DNAJC10: variants seen among roughly 807,000 people sequenced by gnomAD.
DNAJC10 encodes the protein endoplasmic reticulum disulfide reductase DNAJC10.
DNAJC10 carries 101 observed loss-of-function variants against 115.0 expected under a neutral mutation model. The observed-to-expected ratio is 0.88, with a 90% CI of 0.75 to 1.04. The LOEUF (loss-of-function observed/expected upper bound fraction) is 1.04, where lower values mean the gene tolerates loss of function less well. Ranked by LOEUF, DNAJC10 falls within the 50% of genes least tolerant of loss-of-function variation. The pLI is 0.00. For synonymous variants in DNAJC10, 307 were observed against 301.5 expected, an observed-to-expected ratio of 1.02 and a Z score of -0.19; for missense variants, 981 against 928.8, an observed-to-expected ratio of 1.06 and a Z score of -0.73.
chr2:182,741,262 G>C lies in DNAJC10; in HGVS notation c.1097G>C (p.Arg366Pro). The C allele has an allele frequency of 6.2e-7, 1 of 1,600,340 alleles. No homozygotes were observed. The highest frequency in any genetic ancestry group is 8.5e-7 in the Non-Finnish European group (1 of 1,174,640). The change falls in exon 13 of 24, where the codon CGG becomes CCG. Residue 366 changes from arginine to proline, a missense_variant. Physicochemically the swap from Arg to Pro is moderately radical, Grantham distance 103. Transcript: ENST00000264065. ...TTTAAGGATCGTTTGGCTCATCATCGGTGGCTGTTATTTTTTCATTTTGGA... is the reference window on the plus strand; with the variant it reads ...TTTAAGGATCGTTTGGCTCATCATCCGTGGCTGTTATTTTTTCATTTTGGA... ...NTLEDRLAHH[R>P]WLLFFHFGKN... is the part of the protein sequence containing the mutation.
rs1694806789 is a variant in DNAJC10 at position 182,779,962 on chromosome 2, T to TTAAAG, written c.*2833_*2837dup. On this transcript the variant is annotated 3_prime_UTR_variant, in exon 24 of 24. Transcript: ENST00000264065. ...CTGCCAACAAAACCAGATAGATGTC[T>TTAAAG]TAAAGTAGGCACATTTATTCCATTG... 1 of 152,158 alleles carries TTAAAG rather than the reference T, an allele frequency of 6.6e-6. No homozygotes were observed. The highest frequency in any genetic ancestry group is 1.5e-5 in the Non-Finnish European group (1 of 68,020). 9.4% of individuals were successfully genotyped at this position (152,158 alleles called of 1,614,324 possible).
intron 8 of DNAJC10, among the ~76,000 whole-genome samples, chr2:182,730,282 T>C (rs749360882): frequency 3.3e-5 from 5 of 152,202 alleles, no homozygotes; most frequent in Non-Finnish European, 7.4e-5. Flanking sequence ...ACCTATTCTG[T>C]TTAATTTTAA....
rs896463700 is a variant in DNAJC10, at chr2:182,784,273, G to C, written c.*7141G>C. ...CCGGAGGCAAAGGTTGCAGTGAGCA[G>C]AGATCACACCACTGCCCTCCAGCCT... On this transcript the variant is annotated 3_prime_UTR_variant, in exon 24 of 24. Transcript: ENST00000264065. The C allele has an allele frequency of 2.0e-5, 3 of 152,042 alleles. No homozygotes were observed. Among genetic ancestry groups the C allele is most frequent in the Non-Finnish European group, 1.5e-5 (1 of 68,032 alleles). The allele number at this position is 152,042 out of a possible 1,614,324, so 9.4% of individuals were successfully genotyped here. A position where few individuals can be genotyped will look rare whatever the true frequency, so the allele number is the denominator to read the frequency against.
At chr2:182,716,742 G>GCCCT (rs560387912) in intron 1 of DNAJC10, among the ~76,000 whole-genome samples, 117 of 152,256 alleles carry the variant, frequency 7.7e-4, no homozygotes, top group African/African-American at 2.7e-3. Flanking sequence ...ACACTTAACA[G>GCCCT]CCCTGTTCCC....
intron 21 of DNAJC10, among the ~76,000 whole-genome samples, chr2:182,761,005 T>C (rs945051648): frequency 6.6e-6 from 1 of 152,018 alleles, no homozygotes; most frequent in Admixed American, 6.6e-5. Context: ...TTATTAAACA[T>C]GAAAAAGACC....
intron 13 of DNAJC10, among the ~76,000 whole-genome samples, 163 bp downstream of exon 13, chr2:182,741,519 A>G (rs1190806868): frequency 1.3e-5 from 2 of 152,078 alleles, no homozygotes; most frequent in African/African-American, 2.4e-5. Context: ...CTTTTTTATT[A>G]AAAGTTTATA....
intron 5 of DNAJC10, among the ~76,000 whole-genome samples, chr2:182,724,065 CATAGGTTAAGTAG>C (rs1198917200): frequency 3.3e-5 from 5 of 152,128 alleles, no homozygotes; most frequent in Admixed American, 6.5e-5. Flanking sequence ...TTATATGCAG[CATAGGTTAAGTAG>C]GTTTAATCAA....
At chr2:182,733,812 GATA>G (rs1693513905) in intron 10 of DNAJC10, among the ~76,000 whole-genome samples, 1 of 149,744 alleles carries the variant, frequency 6.7e-6, no homozygotes, top group African/African-American at 2.5e-5. Context: ...TAGATAGATA[GATA>G]GATAGATAGA....
In DNAJC10 at chr2:182,778,588, C is replaced by G. The variant is rs1052255120; in HGVS notation, c.*1456C>G. The G allele has an allele frequency of 2.0e-4, 4 of 20,296 alleles. No homozygotes were observed. The highest frequency in any genetic ancestry group is 6.6e-4 in the Admixed American group (2 of 3,036). The allele number at this position is 20,296 out of a possible 1,614,324, so 1.3% of individuals were successfully genotyped here. A position where few individuals can be genotyped will look rare whatever the true frequency, so the allele number is the denominator to read the frequency against. ...TTTCAATATCACTTTATCCTGCTCA[C>G]CAGTATTTCCTCATAAGGGTTATTA... On this transcript the variant is annotated 3_prime_UTR_variant, in exon 24 of 24. Transcript: ENST00000264065.
At chr2:182,759,080 A>G (rs971303546) in intron 20 of DNAJC10, 80 bp from the exon 21 acceptor site, 14 of 1,277,040 alleles carry the variant, frequency 1.1e-5, no homozygotes, top group Non-Finnish European at 1.5e-5. Flanking sequence ...TTTAACTTAG[A>G]AAGTATTACA....
rs73975517 is a variant in DNAJC10, at chr2:182,790,915, C to A, written c.*13783C>A. The A allele has an allele frequency of 6.6e-6, 1 of 152,056 alleles. No individual in the cohort carries two copies. Among genetic ancestry groups the A allele is most frequent in the East Asian group, 1.9e-4 (1 of 5,176 alleles). The allele number at this position is 152,056 out of a possible 1,614,324, so 9.4% of individuals were successfully genotyped here. A position where few individuals can be genotyped will look rare whatever the true frequency, so the allele number is the denominator to read the frequency against. ...TTTCTGACTTTTCCTTTGCTTTATT[C>A]TCTTATTTCTTCCAAGTAACCATAT... On this transcript the variant is annotated 3_prime_UTR_variant, in exon 24 of 24. Transcript: ENST00000264065.
chr2:182,751,789 A>G lies in DNAJC10; in HGVS notation c.1434+4A>G. 2.5e-6 allele frequency: 4 copies of G among 1,610,868 alleles called. No individual in the cohort carries two copies. The highest frequency in any genetic ancestry group is 3.4e-6 in the Non-Finnish European group (4 of 1,179,394). On this transcript the variant is annotated splice_donor_region_variant and intron_variant, in intron 15 of 23. Transcript: ENST00000264065. ...GCTTGTTGATTTCTTTGCCCCCGTA[A>G]GTTATTTTTATCTGTCAGATTCTAA...
At chr2:182,737,288 C>G (rs1693608933) in intron 11 of DNAJC10, among the ~76,000 whole-genome samples, 1 of 152,156 alleles carries the variant, frequency 6.6e-6, no homozygotes, top group Non-Finnish European at 1.5e-5. Context: ...AAAGTAAGGA[C>G]TGTGATAAGA....
chr2:182,728,633 C>G lies in DNAJC10; in HGVS notation c.476C>G (p.Ser159Ter). ...GTAAATTTTTACTCCCCAGGCTGTT[C>G]ACACTGCCATGATTTAGCTCCCACA... ...WFVNFYSPGC[S>*]HCHDLAPTWR... is the part of the protein sequence containing the mutation. Residue 159 changes from serine to a stop codon, truncating the protein, a stop_gained, in exon 6 of 24, where the codon TCA becomes TGA. Coordinates refer to ENST00000264065, the MANE Select transcript of DNAJC10 (RefSeq NM_018981.4). LOFTEE classifies it high-confidence loss of function. 6.2e-7 allele frequency: 1 copy of G among 1,612,692 alleles called. No individual in the cohort carries two copies. The highest frequency in any genetic ancestry group is 8.5e-7 in the Non-Finnish European group (1 of 1,179,216).
At chr2:182,734,394 A>G (rs1199365834) in intron 10 of DNAJC10, among the ~76,000 whole-genome samples, 1 of 151,666 alleles carries the variant, frequency 6.6e-6, no homozygotes, top group Non-Finnish European at 1.5e-5. Context: ...TATTTTTAAA[A>G]GTAATTTTGT....
rs747581484 is a variant in DNAJC10 at position 182,740,248 on chromosome 2, A to G, written c.988-51A>G. ...AAATTGAAAAAACAAAAGATATCAA[A>G]TATAATGAATATTTATTCAAAAAGA... On this transcript the variant is annotated intron_variant, in intron 11 of 23. Coordinates refer to ENST00000264065, the MANE Select transcript of DNAJC10 (RefSeq NM_018981.4). The G allele has an allele frequency of 1.1e-5, 14 of 1,249,576 alleles. No individual in the cohort carries two copies. The South Asian group carries it at 2.6e-4, about 24-fold the overall frequency. The allele number at this position is 1,249,576 out of a possible 1,614,324, so 77.4% of individuals were successfully genotyped here.
chr2:182,745,739 T>TA lies in DNAJC10; in HGVS notation c.1306+2029dup, dbSNP rs1447666813. ...TTTTTTTTTTATTTGAATTTTTTTT[T>TA]AATTTATTATTATTATACTTCAAGT... is the stretch of plus-strand genomic sequence containing the variant. On this transcript the variant is annotated intron_variant, in intron 14 of 23. Transcript: ENST00000264065. Among the ~76,000 whole-genome samples the TA allele has an allele frequency of 4.6e-5, 7 of 151,062 alleles. No individual in the cohort carries two copies. In the South Asian group the frequency reaches 1.3e-3, roughly 27 times the overall value.
Position 182,780,736 on chromosome 2 carries a change from G to A in DNAJC10, c.*3604G>A, listed in dbSNP as rs1477761567. The A allele has an allele frequency of 6.6e-6, 1 of 152,050 alleles. No homozygotes were observed. The highest frequency in any genetic ancestry group is 1.5e-5 in the Non-Finnish European group (1 of 68,028). 9.4% of individuals were successfully genotyped at this position (152,050 alleles called of 1,614,324 possible). A position where few individuals can be genotyped will look rare whatever the true frequency, so the allele number is the denominator to read the frequency against. On this transcript the variant is annotated 3_prime_UTR_variant, in exon 24 of 24. Transcript: ENST00000264065. Reference sequence around the variant, plus strand: ...TCTTGTACTGTCACTGAGTCCCCTTGTAAACAGCTAGGTATATTTTGTGAA... The same window carrying A: ...TCTTGTACTGTCACTGAGTCCCCTTATAAACAGCTAGGTATATTTTGTGAA...
chr2:182,767,760 A>T (rs1251795643), intron 22 of DNAJC10, among the ~76,000 whole-genome samples: 1 of 152,090 alleles, frequency 6.6e-6, no homozygotes, highest in East Asian at 1.9e-4. Flanking sequence ...AACCACAGAT[A>T]TCCACTAGAT....
Sources: gnomAD v4.1 joint callset for allele counts (sites outside exome capture counted in the v4.1 genomes callset) on GRCh38, gnomAD v4.1.1 for gene constraint, MANE v1.5 for transcripts, NCBI Gene and HGNC (gene_info 2026-07-23, HGNC 2026-07-21) for gene names.